Variants in NCSTN observed in about 807,000 individuals in gnomAD.
NCSTN encodes nicastrin.
Under a neutral mutation model 87.0 loss-of-function variants are expected in NCSTN, and 22 were observed. The ratio of observed to expected loss-of-function variants is 0.25; its 90% CI spans 0.18 to 0.36. The LOEUF is 0.36. Ranked by LOEUF, NCSTN falls within the 10% of genes least tolerant of loss-of-function variation. The probability of loss-of-function intolerance (pLI) is 1.00; values close to 1 mark genes in which losing one functional copy is unlikely to be tolerated. For synonymous variants in NCSTN, 306 were observed against 327.1 expected (o/e 0.94, Z 0.69); for missense variants, 693 against 883.3 (o/e 0.78, Z 2.73).
At chr1:160,353,565 C>T in intron 10 of NCSTN, 1 of 1,242,038 alleles carries the variant, frequency 8.1e-7, no homozygotes, top group Non-Finnish European at 1.0e-6. Flanking sequence ...GCTGCTCTAC[C>T]CAAGTCCTGG....
At position 160,356,799 on chromosome 1, in the gene NCSTN, T is replaced by C. The variant is rs1264593164; in HGVS notation, c.1794+45T>C. The C allele has an allele frequency of 2.5e-6, 4 of 1,610,648 alleles. No homozygotes were observed. The South Asian group carries it at 4.4e-5, about 18-fold the overall frequency. ...GGAAGTGCCCTGGGGCCCCTTTCCCTTGGGAAAGTTGGAGGTTCTTCTAGA... is the reference window on the plus strand; with the variant it reads ...GGAAGTGCCCTGGGGCCCCTTTCCCCTGGGAAAGTTGGAGGTTCTTCTAGA... On this transcript the variant is annotated intron_variant, in intron 15 of 16. Coordinates refer to ENST00000294785, the MANE Select transcript of NCSTN (RefSeq NM_015331.3).
At chr1:160,354,423 T>C in intron 11 of NCSTN, 133 bp downstream of exon 11, 1 of 997,884 alleles carries the variant, frequency 1.0e-6, no homozygotes, top group Non-Finnish European at 1.6e-6. Context: ...TATTCTTTGC[T>C]CAGTGGCGTT....
intron 1 of NCSTN, chr1:160,344,414 A>G (rs1294770930): frequency 7.0e-7 from 1 of 1,431,644 alleles, no homozygotes; most frequent in East Asian, 2.5e-5. Flanking sequence ...CACCTGTGCA[A>G]CCAGAATCTG....
Position 160,357,216 on chromosome 1 carries a change from G to A in NCSTN, c.1970G>A (p.Arg657His), listed in dbSNP as rs17854508. ...TWTESRWKDI[R>H]ARIFLIASKE... ...ACTGAGAGCCGCTGGAAAGATATCC[G>A]TGCCCGGATATTTCTCATCGCCAGC... The change falls in exon 16 of 17, where the codon CGT becomes CAT. Residue 657 changes from arginine to histidine, a missense_variant. Physicochemically the swap from Arg to His is conservative, Grantham distance 29. This residue lies in a region of NCSTN where 216 missense variants were observed against 311.7 expected (regional missense o/e 0.69). Coordinates refer to ENST00000294785, the MANE Select transcript of NCSTN (RefSeq NM_015331.3). 16 of 1,614,090 alleles carry A rather than the reference G, an allele frequency of 9.9e-6. No individual in the cohort carries two copies. The highest frequency in any genetic ancestry group is 2.2e-5 in the East Asian group (1 of 44,884).
chr1:160,358,420 A>C lies in NCSTN; in HGVS notation c.*149A>C. 9.6e-7 allele frequency: 1 copy of C among 1,046,338 alleles called. No individual in the cohort carries two copies. The highest frequency in any genetic ancestry group is 1.3e-5 in the South Asian group (1 of 74,920). The allele number at this position is 1,046,338 out of a possible 1,614,324, so 64.8% of individuals were successfully genotyped here. A position where few individuals can be genotyped will look rare whatever the true frequency, so the allele number is the denominator to read the frequency against. On this transcript the variant is annotated 3_prime_UTR_variant, in exon 17 of 17. Transcript: ENST00000294785. ...AAAAGAGTGGAACTATCCAAAAGAG[A>C]CAGGGAGAAATAAATAAATTGCCTC...
At chr1:160,347,613 GGT>G (rs147319616) in intron 2 of NCSTN, among the ~76,000 whole-genome samples, 6 of 150,786 alleles carry the variant, frequency 4.0e-5, no homozygotes, top group Non-Finnish European at 7.4e-5. Flanking sequence ...GAAGTTTTGG[GGT>G]GTGTGTGTGT....
At chr1:160,358,046 A>G (rs191615946) in intron 16 of NCSTN, 103 bp from the exon 17 acceptor site, 7 of 1,475,520 alleles carry the variant, frequency 4.7e-6, no homozygotes, top group South Asian at 1.1e-5. Flanking sequence ...GCTTAGAGCC[A>G]GCATCCGAAT....
intron 14 of NCSTN, 115 bp downstream of exon 14, chr1:160,356,462 T>C (rs1442007551): frequency 3.2e-5 from 46 of 1,420,480 alleles, no homozygotes; most frequent in Non-Finnish European, 4.4e-5. Flanking sequence ...TCTTACCCCC[T>C]GTTTTCCTTT....
intron 16 of NCSTN, among the ~76,000 whole-genome samples, chr1:160,357,932 T>TA (rs1649217162): frequency 1.3e-5 from 2 of 152,122 alleles, no homozygotes; most frequent in African/African-American, 4.8e-5. Context: ...ATCTAAGTAA[T>TA]ACAAGATGGA....
intron 1 of NCSTN, 161 bp from the exon 2 acceptor site, chr1:160,344,561 G>A (rs1331732564): frequency 6.4e-6 from 10 of 1,551,082 alleles, no homozygotes; most frequent in Admixed American, 2.0e-5. Flanking sequence ...TATCTGTTAC[G>A]ATAAGTGTGT....
At chr1:160,345,266 C>T (rs912411788) in intron 2 of NCSTN, 1 of 258,892 alleles carries the variant, frequency 3.9e-6, no homozygotes. Context: ...GATCTCGGCT[C>T]ACGGTGACCT....
At position 160,354,233 on chromosome 1, in the gene NCSTN, G is replaced by A. The variant is rs754828441; in HGVS notation, c.1295G>A (p.Arg432Gln). The A allele has an allele frequency of 5.6e-6, 9 of 1,613,948 alleles. No individual in the cohort carries two copies. Among genetic ancestry groups the A allele is most frequent in the South Asian group, 4.4e-5 (4 of 91,082 alleles). Residue 432 changes from arginine (R) to glutamine (Q), a missense_variant, in exon 11 of 17, where the codon CGA becomes CAA. Arg to Gln is a conservative substitution (Grantham distance 43). Transcript: ENST00000294785. ...CCATCTTCCCTGCAGCGATTTCTTC[G>A]AGCTCGAAACATCTCTGGCGTTGTT... Reference protein sequence around the residue: ...LPPSSLQRFLRARNISGVVLA... With the variant: ...LPPSSLQRFLQARNISGVVLA...
intron 11 of NCSTN, among the ~76,000 whole-genome samples, chr1:160,354,550 C>G (rs1253496866): frequency 1.3e-5 from 2 of 152,182 alleles, no homozygotes; most frequent in Non-Finnish European, 2.9e-5. Flanking sequence ...TGCTCCCTAG[C>G]TCTCCAGGGT....
At chr1:160,353,269 C>T (rs140142139) in intron 10 of NCSTN, 32 bp downstream of exon 10, 2 of 1,614,004 alleles carry the variant, frequency 1.2e-6, no homozygotes, top group African/African-American at 2.7e-5. Flanking sequence ...ATTTCCTATT[C>T]CTACAGCTCA....
chr1:160,349,210 T>G lies in NCSTN; in HGVS notation c.314+88T>G, dbSNP rs879511944. 2.6e-5 allele frequency: 40 copies of G among 1,556,332 alleles called. No homozygotes were observed. The Admixed American group carries it at 6.8e-4, about 27-fold the overall frequency. On this transcript the variant is annotated intron_variant, in intron 3 of 16. Coordinates refer to ENST00000294785, the MANE Select transcript of NCSTN (RefSeq NM_015331.3). Reference sequence around the variant, plus strand: ...TCACACTTATTAGTGAAAACTTCCCTTGGCTGCCCTGGTCTGGTCAGGGGA... The same window carrying G: ...TCACACTTATTAGTGAAAACTTCCCGTGGCTGCCCTGGTCTGGTCAGGGGA...
chr1:160,356,437 T>A, intron 14 of NCSTN, 90 bp downstream of exon 14: 1 of 1,450,104 alleles, frequency 6.9e-7, no homozygotes, highest in Non-Finnish European at 9.6e-7. Flanking sequence ...TTTTTTTCTT[T>A]TTCCTCTCTG....
intron 2 of NCSTN, among the ~76,000 whole-genome samples, chr1:160,348,771 C>A (rs1486672037): frequency 3.3e-5 from 5 of 152,176 alleles, no homozygotes; most frequent in African/African-American, 7.2e-5. Flanking sequence ...GTTCACAGAA[C>A]CTTTCTGGCA....
At chr1:160,356,816 T>G in intron 15 of NCSTN, 62 bp downstream of exon 15, 1 of 1,601,090 alleles carries the variant, frequency 6.2e-7, no homozygotes, top group Non-Finnish European at 8.5e-7. Context: ...AGTTGGAGGT[T>G]CTTCTAGACC....
Position 160,344,824 on chromosome 1 carries a change from AGT to A in NCSTN, c.190+2_190+3del. The A allele has an allele frequency of 6.2e-7, 1 of 1,612,582 alleles. No individual in the cohort carries two copies. Among genetic ancestry groups the A allele is most frequent in the Non-Finnish European group, 8.5e-7 (1 of 1,178,654 alleles). On this transcript the variant is annotated frameshift_variant and splice_region_variant, in exon 2 of 17. Transcript: ENST00000294785. LOFTEE classifies it high-confidence loss of function. ...AACGCCACTCATCAGATTGGCTGCCAGTGTGAGTTGAGATGGATTCATGTTTG... is the reference window on the plus strand; with the variant it reads ...AACGCCACTCATCAGATTGGCTGCCAGTGAGTTGAGATGGATTCATGTTTG...
Sources: allele counts gnomAD v4.1 joint callset (sites outside exome capture counted in the v4.1 genomes callset), GRCh38; gene constraint gnomAD v4.1.1; regional missense constraint gnomAD v4.1.1; transcripts MANE v1.5; gene names NCBI Gene and HGNC (gene_info 2026-07-23, HGNC 2026-07-21).